The following SLCO1B3 variants were observed in gnomAD, a reference collection of about 807,000 sequenced individuals.
SLCO1B3 encodes liver-specific organic anion transporter 2.
A neutral mutation model predicts 71.8 loss-of-function variants in SLCO1B3; 72 were observed. That is an observed-to-expected ratio of 1.00 (90% confidence interval 0.83 to 1.22). SLCO1B3 has a LOEUF of 1.22. Ranked by LOEUF, SLCO1B3 falls within the 50% of genes most tolerant of loss-of-function variation. SLCO1B3 has a pLI of 0.00. For missense variants in SLCO1B3, 911 were observed against 819.7 expected (o/e 1.11, Z -1.36); for synonymous variants, 298 against 278.4 (o/e 1.07, Z -0.70).
At chr12:20,884,964 T>C (rs865792829) in intron 13 of SLCO1B3, among the ~76,000 whole-genome samples, 2 of 152,110 alleles carry the variant, frequency 1.3e-5, no homozygotes, top group African/African-American at 4.8e-5. Context: ...GCCTTCTGTA[T>C]TTCCAAATTA....
At chr12:20,811,799 G>C (rs761612358) in intron 1 of SLCO1B3, among the ~76,000 whole-genome samples, 1 of 151,844 alleles carries the variant, frequency 6.6e-6, no homozygotes, top group Non-Finnish European at 1.5e-5. Flanking sequence ...TATATTAAAC[G>C]CTTCTAAATA....
At chr12:20,834,300 TTATA>T in intron 3 of SLCO1B3, among the ~76,000 whole-genome samples, 1 of 137,938 alleles carries the variant, frequency 7.2e-6, no homozygotes, top group Non-Finnish European at 1.6e-5. Flanking sequence ...ATATATATAA[TTATA>T]TATAGGTTGT....
At chr12:20,839,947 G>A (rs1864761145) in intron 3 of SLCO1B3, among the ~76,000 whole-genome samples, 1 of 152,118 alleles carries the variant, frequency 6.6e-6, no homozygotes, top group East Asian at 1.9e-4. Context: ...ATACTAATAT[G>A]CTTGTCAAAG....
At chr12:20,849,211 A>T (rs1039401093) in intron 3 of SLCO1B3, among the ~76,000 whole-genome samples, 4 of 152,036 alleles carry the variant, frequency 2.6e-5, no homozygotes, top group Non-Finnish European at 5.9e-5. Context: ...CATTTAAAAG[A>T]TTGTACACCA....
intron 14 of SLCO1B3, among the ~76,000 whole-genome samples, chr12:20,900,645 G>A (rs989426764): frequency 7.2e-5 from 11 of 152,124 alleles, no homozygotes; most frequent in African/African-American, 2.4e-4. Flanking sequence ...ACAAAATTTA[G>A]CAACGGAGAC....
At position 20,897,233 on chromosome 12, in the gene SLCO1B3, C is replaced by T. The variant is rs531928891; in HGVS notation, c.1683-1203C>T. Among the ~76,000 whole-genome samples the T allele has an allele frequency of 3.9e-5, 6 of 152,270 alleles. No individual in the cohort carries two copies. In the South Asian group the frequency reaches 1.2e-3, roughly 32 times the overall value. On this transcript the variant is annotated intron_variant, in intron 13 of 15. Transcript: ENST00000381545. ...AACACACTTTCTGTTTATTGTCTCTCCTAATAGATAACTATTTTAGATTTA... is the reference window on the plus strand; with the variant it reads ...AACACACTTTCTGTTTATTGTCTCTTCTAATAGATAACTATTTTAGATTTA...
chr12:20,870,370 C>A (rs886167710), intron 8 of SLCO1B3, among the ~76,000 whole-genome samples: 1 of 151,998 alleles, frequency 6.6e-6, no homozygotes, highest in Non-Finnish European at 1.5e-5. Flanking sequence ...GCTTTTATTG[C>A]CTGTGCTTTT....
chr12:20,814,062 G>T (rs777781761), intron 2 of SLCO1B3, among the ~76,000 whole-genome samples: 1 of 151,976 alleles, frequency 6.6e-6, no homozygotes, highest in Non-Finnish European at 1.5e-5. Context: ...TACATAGCAT[G>T]TATCCACATA....
chr12:20,915,819 G>A (rs1227898012), intron 15 of SLCO1B3, among the ~76,000 whole-genome samples, 185 bp from the exon 16 acceptor site: 1 of 151,936 alleles, frequency 6.6e-6, no homozygotes, highest in Non-Finnish European at 1.5e-5. Context: ...AGCTTCATAT[G>A]TTTTTTTAAT....
chr12:20,895,807 C>G (rs1319169821), intron 13 of SLCO1B3, among the ~76,000 whole-genome samples: 1 of 152,224 alleles, frequency 6.6e-6, no homozygotes, highest in Non-Finnish European at 1.5e-5. Context: ...TCATACTGCC[C>G]TAGCAGAGGT....
chr12:20,821,987 G>A (rs1864321636), intron 3 of SLCO1B3, among the ~76,000 whole-genome samples: 2 of 152,196 alleles, frequency 1.3e-5, no homozygotes, highest in African/African-American at 2.4e-5. Flanking sequence ...GGAGAAAGAG[G>A]TTGAGGGATA....
Position 20,877,868 on chromosome 12 carries a change from T to G in SLCO1B3, c.1067T>G (p.Phe356Cys), listed in dbSNP as rs1164901136. 2 of 1,592,948 alleles carry G rather than the reference T, an allele frequency of 1.3e-6. No homozygotes were observed. The highest frequency in any genetic ancestry group is 3.6e-5 in the Admixed American group (2 of 56,264). The part of the protein sequence containing the change: ...LLQVSSFIGS[F>C]TYVFKYMEQQ... ...CAAGTAAGCAGCTTTATTGGTTCTT[T>G]TACTTACGTCTTTAAATATATGGAG... The change falls in exon 10 of 16, where the codon TTT becomes TGT. Residue 356 changes from phenylalanine (F) to cysteine (C), a missense_variant. Phe to Cys is a radical substitution (Grantham distance 205). Transcript: ENST00000381545.
At chr12:20,900,649 C>T (rs991732216) in intron 14 of SLCO1B3, among the ~76,000 whole-genome samples, 6 of 152,102 alleles carry the variant, frequency 3.9e-5, no homozygotes, top group African/African-American at 1.2e-4. Flanking sequence ...AATTTAGCAA[C>T]GGAGACCCTA....
chr12:20,876,862 G>A (rs1240319767), intron 9 of SLCO1B3, among the ~76,000 whole-genome samples: 5 of 151,198 alleles, frequency 3.3e-5, no homozygotes, highest in African/African-American at 4.9e-5. Context: ...ACAGAGTCTC[G>A]CTCTGTCACC....
In SLCO1B3 at chr12:20,879,689, A is replaced by C. The variant is rs532152426; in HGVS notation, c.1331+58A>C. On this transcript the variant is annotated intron_variant, in intron 11 of 15. Coordinates refer to ENST00000381545, the MANE Select transcript of SLCO1B3 (RefSeq NM_019844.4). ...ATGTTAACCATCAAATTAAAAGATTATGTGCAAGTAAAATAAGGTAGAAAA... is the reference window on the plus strand; with the variant it reads ...ATGTTAACCATCAAATTAAAAGATTCTGTGCAAGTAAAATAAGGTAGAAAA... 11 of 1,132,868 alleles carry C rather than the reference A, an allele frequency of 9.7e-6. No individual in the cohort carries two copies. In the African/African-American group the frequency reaches 1.6e-4, roughly 16 times the overall value. The allele number at this position is 1,132,868 out of a possible 1,614,324, so 70.2% of individuals were successfully genotyped here. A position where few individuals can be genotyped will look rare whatever the true frequency, so the allele number is the denominator to read the frequency against.
chr12:20,874,407 G>A (rs1317355342), intron 8 of SLCO1B3, among the ~76,000 whole-genome samples: 1 of 152,102 alleles, frequency 6.6e-6, no homozygotes, highest in Non-Finnish European at 1.5e-5. Flanking sequence ...GTTAGCTTCT[G>A]TATTTCTCAC....
intron 3 of SLCO1B3, among the ~76,000 whole-genome samples, chr12:20,822,400 C>G (rs746908136): frequency 1.3e-5 from 2 of 151,432 alleles, no homozygotes; most frequent in Admixed American, 6.6e-5. Context: ...ACAAGGTGCT[C>G]GGTGGGGGAG....
chr12:20,911,793 T>C (rs1055569428), intron 15 of SLCO1B3, among the ~76,000 whole-genome samples: 1 of 152,136 alleles, frequency 6.6e-6, no homozygotes, highest in Non-Finnish European at 1.5e-5. Flanking sequence ...CCATCTTTGA[T>C]TTCTGATATT....
chr12:20,862,933 T>A (rs1865300030), intron 8 of SLCO1B3, 79 bp downstream of exon 8: 3 of 716,358 alleles, frequency 4.2e-6, no homozygotes, highest in Non-Finnish European at 7.1e-6. Context: ...TTAAATTCAG[T>A]CTTTCAATAG....
Sources: gnomAD v4.1 joint callset for allele counts (sites outside exome capture counted in the v4.1 genomes callset) on GRCh38, gnomAD v4.1.1 for gene constraint, MANE v1.5 for transcripts, NCBI Gene and HGNC (gene_info 2026-07-23, HGNC 2026-07-21) for gene names.